The following DGCR2 variants were observed in gnomAD, a reference collection of about 807,000 sequenced individuals.
DGCR2 encodes the protein integral membrane protein DGCR2/IDD.
DGCR2 carries 24 observed loss-of-function variants against 51.6 expected under a neutral mutation model. The ratio of observed to expected loss-of-function variants is 0.47; its 90% CI spans 0.34 to 0.65. The LOEUF (loss-of-function observed/expected upper bound fraction) is 0.65, where lower values mean the gene tolerates loss of function less well. Ranked by LOEUF, DGCR2 falls within the 30% of genes least tolerant of loss-of-function variation. The pLI, the probability that DGCR2 is intolerant of heterozygous loss-of-function variation, is 0.01. For missense variants in DGCR2, 765 were observed against 772.1 expected (o/e 0.99, Z 0.11); for synonymous variants, 340 against 315.4 (o/e 1.08, Z -0.82).
In DGCR2 at chr22:19,089,110, C is replaced by T. The variant is rs563721272; in HGVS notation, c.202+258G>A. 7.2e-5 allele frequency among the ~76,000 whole-genome samples: 11 copies of T among 152,320 alleles called. 1 individual carries two copies. The South Asian group carries it at 1.9e-3, about 26-fold the overall frequency. ...GATCATCCAAGTCCAGGGAGTGCAG[C>T]GCCTCCTTAAGTGGAGCCTCCTGGG... On this transcript the variant is annotated intron_variant, in intron 2 of 9. Transcript: ENST00000263196.
chr22:19,097,533 C>T (rs1433061475), intron 1 of DGCR2, among the ~76,000 whole-genome samples: 1 of 152,104 alleles, frequency 6.6e-6, no homozygotes, highest in Non-Finnish European at 1.5e-5. Flanking sequence ...GCCTGGGCGA[C>T]AGAGCAAGGC....
At chr22:19,109,261 T>A (rs1270802203) in intron 1 of DGCR2, among the ~76,000 whole-genome samples, 1 of 152,162 alleles carries the variant, frequency 6.6e-6, no homozygotes. Flanking sequence ...AAAATAGAAT[T>A]ACCATATGAT....
At chr22:19,101,446 AAAGT>A (rs147149834) in intron 1 of DGCR2, among the ~76,000 whole-genome samples, 24,292 of 152,096 alleles carry the variant, frequency 0.16, 2,158 homozygotes, top group South Asian at 0.28. Context: ...TGTCGCTTCA[AAAGT>A]AAATGTGGGG....
chr22:19,103,418 T>A (rs1019929558), intron 1 of DGCR2, among the ~76,000 whole-genome samples: 15 of 23,688 alleles, frequency 6.3e-4, no homozygotes, highest in African/African-American at 3.4e-3. Flanking sequence ...AAAAAGTTCT[T>A]TTTTTTTTTT....
At chr22:19,047,613 C>T (rs2082504030) in intron 7 of DGCR2, 1 of 151,992 alleles carries the variant, frequency 6.6e-6, no homozygotes, top group Non-Finnish European at 1.5e-5. Flanking sequence ...ACAAAGCATG[C>T]CCGTGGAGTG....
chr22:19,056,661 T>C (rs901170090), intron 6 of DGCR2: 4 of 426,344 alleles, frequency 9.4e-6, no homozygotes, highest in Non-Finnish European at 1.7e-5. Context: ...CAAACAGCCT[T>C]AGATGCTCCA....
At chr22:19,091,186 C>T (rs1359710670) in intron 1 of DGCR2, among the ~76,000 whole-genome samples, 1 of 152,050 alleles carries the variant, frequency 6.6e-6, no homozygotes, top group Non-Finnish European at 1.5e-5. Flanking sequence ...TGGCAAAATG[C>T]CATCTCTCTA....
At chr22:19,073,391 T>G (rs1437677591) in intron 2 of DGCR2, among the ~76,000 whole-genome samples, 2 of 152,100 alleles carry the variant, frequency 1.3e-5, no homozygotes, top group African/African-American at 4.8e-5. Context: ...AAACGAAAAC[T>G]GGGAATCAAT....
intron 9 of DGCR2, among the ~76,000 whole-genome samples, chr22:19,039,606 C>A (rs1474668967): frequency 2.0e-5 from 3 of 152,174 alleles, no homozygotes; most frequent in Admixed American, 6.5e-5. Context: ...GGCAACAGGG[C>A]TGCAGTGAGC....
At chr22:19,063,116 G>A in intron 5 of DGCR2, 86 bp downstream of exon 5, 3 of 1,306,406 alleles carry the variant, frequency 2.3e-6, no homozygotes, top group South Asian at 1.2e-5. Context: ...GGGCCAGGCA[G>A]CACTGGGTAA....
intron 2 of DGCR2, among the ~76,000 whole-genome samples, chr22:19,082,641 T>G (rs996107436): frequency 5.3e-5 from 8 of 152,030 alleles, no homozygotes; most frequent in African/African-American, 1.9e-4. Flanking sequence ...TCCCAGCTAC[T>G]CGGGAGGCTG....
chr22:19,080,989 C>T (rs1385365088), intron 2 of DGCR2, among the ~76,000 whole-genome samples: 1 of 152,202 alleles, frequency 6.6e-6, no homozygotes, highest in Non-Finnish European at 1.5e-5. Flanking sequence ...GCACTCAGAG[C>T]CTTCAAGCGC....
At chr22:19,074,021 C>T (rs1424526987) in intron 2 of DGCR2, among the ~76,000 whole-genome samples, 4 of 152,088 alleles carry the variant, frequency 2.6e-5, no homozygotes, top group African/African-American at 9.7e-5. Flanking sequence ...TGATAGAGAT[C>T]TGTAACTGAG....
intron 1 of DGCR2, among the ~76,000 whole-genome samples, chr22:19,112,748 T>G (rs527255225): frequency 6.9e-6 from 1 of 144,626 alleles, no homozygotes; most frequent in Non-Finnish European, 1.5e-5. Flanking sequence ...AACACAGTTT[T>G]GAACCTAACT....
intron 6 of DGCR2, among the ~76,000 whole-genome samples, chr22:19,051,324 T>G (rs910293573): frequency 6.6e-6 from 1 of 152,034 alleles, no homozygotes; most frequent in African/African-American, 2.4e-5. Flanking sequence ...CTTTTGTTCC[T>G]GAAAGCTCAC....
intron 3 of DGCR2, chr22:19,065,838 T>A (rs1298781789): frequency 6.6e-6 from 1 of 152,152 alleles, no homozygotes; most frequent in Non-Finnish European, 1.5e-5. Context: ...TGGAGAAGAG[T>A]GACAATTTTT....
chr22:19,041,871 G>A lies in DGCR2; in HGVS notation c.1095C>T (p.Leu365=), dbSNP rs768497715. The change falls in exon 8 of 10, where the codon CTC becomes CTT. Residue 365 remains leucine (L), a synonymous_variant. Transcript: ENST00000263196. ...ISSFLILSLL[L]FMVHRLRQRR... ...GCTGGCGCAGCCGGTGGACCATGAA[G>A]AGCAGCAGTGACAGGATGAGGAAGG... 1.9e-6 allele frequency: 3 copies of A among 1,613,556 alleles called. No individual in the cohort carries two copies. The highest frequency in any genetic ancestry group is 2.5e-6 in the Non-Finnish European group (3 of 1,179,986).
Position 19,062,779 on chromosome 22 carries a change from A to ATTCATTCATTCTCTCTCTCT in DGCR2, c.625+422_625+423insAGAGAGAGAGAATGAATGAA. Among the ~76,000 whole-genome samples the ATTCATTCATTCTCTCTCTCT allele has an allele frequency of 9.4e-5, 12 of 127,352 alleles. 1 individual carries two copies. The highest frequency in any genetic ancestry group is 1.6e-4 in the Non-Finnish European group (9 of 55,414). 83.5% of individuals were successfully genotyped at this position (127,352 alleles called of 152,430 possible). Reference sequence around the variant, plus strand: ...TGCGCACACACACACATGCATGCTCACTCTCTCTCTCTCTCTCTCTCTCTC... The same window carrying ATTCATTCATTCTCTCTCTCT: ...TGCGCACACACACACATGCATGCTCATTCATTCATTCTCTCTCTCTCTCTCTCTCTCTCTCTCTCTCTCTC... On this transcript the variant is annotated intron_variant, in intron 5 of 9. Coordinates refer to ENST00000263196, the MANE Select transcript of DGCR2 (RefSeq NM_005137.3).
At position 19,101,638 on chromosome 22, in the gene DGCR2, G is replaced by C. The variant is rs145915594; in HGVS notation, c.80-12148C>G. Among the ~76,000 whole-genome samples, 137 of 151,954 alleles carry C rather than the reference G, an allele frequency of 9.0e-4. 2 individuals carry two copies. The East Asian group carries it at 0.019, about 21-fold the overall frequency. Reference sequence around the variant, plus strand: ...CACCTGTAGTTCCAACTACTTGGGAGGCTGAGGCACAAGAATCACTTGAAC... The same window carrying C: ...CACCTGTAGTTCCAACTACTTGGGACGCTGAGGCACAAGAATCACTTGAAC... On this transcript the variant is annotated intron_variant, in intron 1 of 9. Transcript: ENST00000263196.
Sources: gnomAD v4.1 joint callset for allele counts (sites outside exome capture counted in the v4.1 genomes callset) on GRCh38, gnomAD v4.1.1 for gene constraint, MANE v1.5 for transcripts, NCBI Gene and HGNC (gene_info 2026-07-23, HGNC 2026-07-21) for gene names.